Variants in SEMA6D observed in about 807,000 individuals in gnomAD.
SEMA6D encodes the protein semaphorin-6D.
A neutral mutation model predicts 106.6 loss-of-function variants in SEMA6D; 35 were observed. The observed-to-expected ratio is 0.33, with a 90% CI of 0.25 to 0.44. SEMA6D has a LOEUF of 0.44. Ranked by LOEUF, SEMA6D falls within the 20% of genes least tolerant of loss-of-function variation. The pLI is 1.00. For synonymous variants in SEMA6D, 499 were observed against 487.7 expected, an observed-to-expected ratio of 1.02 and a Z score of -0.31; for missense variants, 1,185 against 1,345.9, an observed-to-expected ratio of 0.88 and a Z score of 1.87.
rs770194615 is a variant in SEMA6D, at chr15:47,770,661, G to A, written c.2098G>A (p.Asp700Asn). The A allele has an allele frequency of 4.3e-6, 7 of 1,614,108 alleles. No homozygotes were observed. The South Asian group carries it at 7.7e-5, about 18-fold the overall frequency. ...FVRKNRKIHK[D>N]AESAQSCTDS... ...TCGGAAAAACAGAAAGATCCATAAA[G>A]ATGCAGAGTCCGCCCAGTCATGCAC... Residue 700 changes from aspartate to asparagine, a missense_variant, in exon 19 of 19, where the codon GAT (aspartate) becomes AAT (asparagine). By Grantham distance (23) the Asp-to-Asn change is conservative (BLOSUM62 1). This residue lies in a region of SEMA6D where 750 missense variants were observed against 783.5 expected (regional missense o/e 0.96). Coordinates refer to ENST00000536845, the MANE Select transcript of SEMA6D (RefSeq NM_001358351.3).
chr15:47,683,258 T>C (rs1017715253), intron 4 of SEMA6D, among the ~76,000 whole-genome samples: 1 of 152,226 alleles, frequency 6.6e-6, no homozygotes, highest in Admixed American at 6.5e-5. Context: ...TTCCTCGGTA[T>C]GTCCATGTGT....
chr15:47,741,372 C>T (rs868418182), intron 1 of SEMA6D, among the ~76,000 whole-genome samples: 7 of 152,170 alleles, frequency 4.6e-5, no homozygotes, highest in Non-Finnish European at 8.8e-5. Context: ...TCTAATTTTC[C>T]GGTCTGTGAC....
intron 1 of SEMA6D, among the ~76,000 whole-genome samples, chr15:47,276,274 G>A (rs1175019122): frequency 6.6e-6 from 1 of 152,136 alleles, no homozygotes; most frequent in Non-Finnish European, 1.5e-5. Flanking sequence ...ATGGAAGAGG[G>A]TGGCTACTCT....
At chr15:47,643,113 TGTAA>T (rs781704905) in intron 4 of SEMA6D, among the ~76,000 whole-genome samples, 8 of 151,906 alleles carry the variant, frequency 5.3e-5, no homozygotes, top group Non-Finnish European at 1.0e-4. Context: ...GGAAAGGAGG[TGTAA>T]GTTTCTACTA....
intron 2 of SEMA6D, among the ~76,000 whole-genome samples, chr15:47,459,686 C>T (rs1452033329): frequency 6.6e-6 from 1 of 152,028 alleles, no homozygotes; most frequent in Non-Finnish European, 1.5e-5. Flanking sequence ...ATAATAACCT[C>T]AAAACAAACA....
intron 1 of SEMA6D, among the ~76,000 whole-genome samples, chr15:47,383,975 A>G (rs1334374001): frequency 6.6e-6 from 1 of 152,184 alleles, no homozygotes; most frequent in Non-Finnish European, 1.5e-5. Context: ...ACACACATAG[A>G]GTGTTTTTCC....
intron 1 of SEMA6D, among the ~76,000 whole-genome samples, chr15:47,729,411 A>G (rs1243552386): frequency 6.6e-6 from 1 of 152,266 alleles, no homozygotes; most frequent in East Asian, 1.9e-4. Context: ...TGGATAACTG[A>G]AGGAACAAGG....
At chr15:47,192,184 T>C (rs1894008804) in intron 1 of SEMA6D, among the ~76,000 whole-genome samples, 1 of 152,194 alleles carries the variant, frequency 6.6e-6, no homozygotes. Flanking sequence ...GTCTACACCC[T>C]CACTCTCAGA....
intron 4 of SEMA6D, among the ~76,000 whole-genome samples, chr15:47,690,686 G>A (rs138820083): frequency 6.6e-6 from 1 of 152,248 alleles, no homozygotes; most frequent in African/African-American, 2.4e-5. Context: ...TTTATGCAGA[G>A]TCCCCAACTT....
chr15:47,240,825 G>A (rs562657969), intron 1 of SEMA6D, among the ~76,000 whole-genome samples: 2 of 152,242 alleles, frequency 1.3e-5, no homozygotes, highest in African/African-American at 4.8e-5. Flanking sequence ...AGGATCTAGA[G>A]AAATTAATCC....
intron 4 of SEMA6D, among the ~76,000 whole-genome samples, chr15:47,691,197 T>C (rs2078579523): frequency 6.6e-6 from 1 of 152,200 alleles, no homozygotes; most frequent in Admixed American, 6.5e-5. Flanking sequence ...GTTGCTCCTC[T>C]GTAAAGTTAC....
chr15:47,713,517 A>T (rs868833437), upstream of SEMA6D, among the ~76,000 whole-genome samples: 4 of 152,210 alleles, frequency 2.6e-5, no homozygotes, highest in Admixed American at 6.5e-5. Context: ...TTATCATGTC[A>T]TGGAGAGCTT....
At chr15:47,466,036 CAA>C (rs2042648200) in intron 2 of SEMA6D, among the ~76,000 whole-genome samples, 2 of 151,996 alleles carry the variant, frequency 1.3e-5, no homozygotes, top group African/African-American at 2.4e-5. Context: ...GTATAATTGA[CAA>C]ATAAAAATTG....
intron 1 of SEMA6D, among the ~76,000 whole-genome samples, chr15:47,304,906 C>T (rs1701797385): frequency 1.3e-5 from 2 of 152,132 alleles, no homozygotes; most frequent in South Asian, 4.1e-4. Context: ...ATATTCAGTC[C>T]TCCTGAATTA....
At chr15:47,215,809 C>T (rs757998754) in intron 1 of SEMA6D, among the ~76,000 whole-genome samples, 3 of 152,110 alleles carry the variant, frequency 2.0e-5, no homozygotes, top group African/African-American at 4.8e-5. Flanking sequence ...TAAGTACTCA[C>T]GTGTTGCCAA....
Position 47,373,209 on chromosome 15 carries a change from C to T in SEMA6D, c.-238-39184C>T, listed in dbSNP as rs2039337259. ...ATCCAGGGTGGTCCTAAGGTGCCAT[C>T]TCAGGTGCTGTTGATATGGCCCCCC... On this transcript the variant is annotated intron_variant, in intron 1 of 19. Coordinates refer to the SEMA6D transcript ENST00000558014. Among the ~76,000 whole-genome samples, 3 of 152,152 alleles carry T rather than the reference C, an allele frequency of 2.0e-5. No individual in the cohort carries two copies. The South Asian group carries it at 6.2e-4, about 32-fold the overall frequency.
intron 3 of SEMA6D, among the ~76,000 whole-genome samples, chr15:47,597,859 A>T (rs1566921783): frequency 6.7e-6 from 1 of 149,482 alleles, no homozygotes; most frequent in Non-Finnish European, 1.5e-5. Context: ...ATATATATAT[A>T]TTATATATAT....
intron 1 of SEMA6D, among the ~76,000 whole-genome samples, chr15:47,213,687 GAC>G (rs2030276894): frequency 6.6e-6 from 1 of 152,038 alleles, no homozygotes; most frequent in Admixed American, 6.6e-5. Flanking sequence ...ATCAGTAAAA[GAC>G]ATTTTGTGGT....
intron 3 of SEMA6D, among the ~76,000 whole-genome samples, chr15:47,575,203 C>A (rs765597362): frequency 5.3e-5 from 8 of 152,186 alleles, no homozygotes; most frequent in Admixed American, 4.6e-4. Flanking sequence ...TCTCTTAATT[C>A]TTTTGAGGTT....
Sources: allele counts gnomAD v4.1 joint callset (sites outside exome capture counted in the v4.1 genomes callset), GRCh38; gene constraint gnomAD v4.1.1; regional missense constraint gnomAD v4.1.1; transcripts MANE v1.5; gene names NCBI Gene and HGNC (gene_info 2026-07-23, HGNC 2026-07-21).